Variants in SLCO6A1 observed in about 807,000 individuals in gnomAD.
SLCO6A1 encodes the protein solute carrier organic anion transporter family member 6A1.
Under a neutral mutation model 72.7 loss-of-function variants are expected in SLCO6A1, and 65 were observed. The ratio of observed to expected loss-of-function variants is 0.89; its 90% confidence interval spans 0.73 to 1.10. The LOEUF is 1.10. Ranked by LOEUF, SLCO6A1 falls within the 50% of genes least tolerant of loss-of-function variation. The pLI is 0.00. For synonymous variants in SLCO6A1, 314 were observed against 298.2 expected, an observed-to-expected ratio of 1.05 and a Z score of -0.55; for missense variants, 874 against 872.6, an observed-to-expected ratio of 1.00 and a Z score of -0.02.
intron 4 of SLCO6A1, among the ~76,000 whole-genome samples, chr5:102,463,757 A>G (rs1751163136): frequency 6.6e-6 from 1 of 152,122 alleles, no homozygotes; most frequent in African/African-American, 2.4e-5. Context: ...GTGATGGCGC[A>G]TGCCTGTAAT....
At chr5:102,381,740 T>TG (rs1746121630) in intron 12 of SLCO6A1, among the ~76,000 whole-genome samples, 1 of 150,864 alleles carries the variant, frequency 6.6e-6, no homozygotes, top group Non-Finnish European at 1.5e-5. Context: ...TCTTTTTTTT[T>TG]TTTTTTTGGT....
Position 102,475,846 on chromosome 5 carries a change from G to A in SLCO6A1, c.803-53C>T, listed in dbSNP as rs946158079. On this transcript the variant is annotated intron_variant, in intron 3 of 13. Transcript: ENST00000506729. ...TCAAACAATTTCATAAGCCAGCTTC[G>A]TTATGATAAAAATTGACTGAAATTG... 107 of 1,375,670 alleles carry A rather than the reference G, an allele frequency of 7.8e-5. 1 individual carries two copies. Among genetic ancestry groups the A allele is most frequent in the Middle Eastern group, 7.2e-4 (4 of 5,538 alleles). 85.2% of individuals were successfully genotyped at this position (1,375,670 alleles called of 1,614,324 possible). A position where few individuals can be genotyped will look rare whatever the true frequency, so the allele number is the denominator to read the frequency against.
At chr5:102,468,874 A>G (rs954117903) in intron 4 of SLCO6A1, among the ~76,000 whole-genome samples, 3 of 152,144 alleles carry the variant, frequency 2.0e-5, no homozygotes, top group Non-Finnish European at 4.4e-5. Context: ...AGCTTTCTAC[A>G]TATTGCTAAC....
At chr5:102,423,296 G>T (rs900719101) in intron 7 of SLCO6A1, among the ~76,000 whole-genome samples, 4 of 152,034 alleles carry the variant, frequency 2.6e-5, no homozygotes, top group African/African-American at 9.7e-5. Flanking sequence ...ATGTAAATAG[G>T]CTAAATACCC....
chr5:102,470,545 T>C (rs529303430), intron 4 of SLCO6A1, among the ~76,000 whole-genome samples: 61 of 152,278 alleles, frequency 4.0e-4, no homozygotes, highest in African/African-American at 1.3e-3. Context: ...TTGATTCTTC[T>C]CTCTTTTCTT....
At chr5:102,416,750 A>G (rs1233890548) in intron 8 of SLCO6A1, among the ~76,000 whole-genome samples, 1 of 152,168 alleles carries the variant, frequency 6.6e-6, no homozygotes, top group East Asian at 1.9e-4. Flanking sequence ...ATATATTAAA[A>G]ATGTACTGAG....
chr5:102,385,050 T>C (rs1746336916), intron 12 of SLCO6A1, among the ~76,000 whole-genome samples: 1 of 152,086 alleles, frequency 6.6e-6, no homozygotes, highest in Non-Finnish European at 1.5e-5. Flanking sequence ...TCTGGAAAAG[T>C]CTTTTTTCTT....
intron 11 of SLCO6A1, among the ~76,000 whole-genome samples, 165 bp downstream of exon 11, chr5:102,390,816 G>A (rs1746713126): frequency 6.6e-6 from 1 of 152,012 alleles, no homozygotes; most frequent in Non-Finnish European, 1.5e-5. Context: ...CTTTGCATTA[G>A]GTATTCCCTC....
chr5:102,444,943 ATAC>A (rs1266269282), intron 6 of SLCO6A1, among the ~76,000 whole-genome samples: 3 of 152,186 alleles, frequency 2.0e-5, no homozygotes, highest in South Asian at 2.1e-4. Flanking sequence ...TGGTGTATAT[ATAC>A]TACATTTTCT....
At chr5:102,447,791 T>A (rs1750197774) in intron 6 of SLCO6A1, among the ~76,000 whole-genome samples, 1 of 152,162 alleles carries the variant, frequency 6.6e-6, no homozygotes, top group African/African-American at 2.4e-5. Flanking sequence ...TACCTAGTGG[T>A]CTATCAATCT....
At chr5:102,492,331 C>A (rs1420328130) in intron 1 of SLCO6A1, among the ~76,000 whole-genome samples, 1 of 152,134 alleles carries the variant, frequency 6.6e-6, no homozygotes, top group Non-Finnish European at 1.5e-5. Flanking sequence ...AGAAACACTG[C>A]AGCAGAAATG....
chr5:102,419,792 G>C, intron 8 of SLCO6A1, 34 bp downstream of exon 8: 1 of 1,503,660 alleles, frequency 6.7e-7, no homozygotes, highest in Non-Finnish European at 8.9e-7. Flanking sequence ...GTAGGATTTT[G>C]ATGTAAAAGT....
chr5:102,476,069 G>A (rs183780148), intron 3 of SLCO6A1, among the ~76,000 whole-genome samples: 13 of 152,208 alleles, frequency 8.5e-5, no homozygotes, highest in Admixed American at 2.6e-4. Context: ...ATGGTGAGAG[G>A]TGGGTGAGGG....
chr5:102,445,232 G>C (rs1750045630), intron 6 of SLCO6A1, among the ~76,000 whole-genome samples: 1 of 152,154 alleles, frequency 6.6e-6, no homozygotes, highest in Admixed American at 6.5e-5. Flanking sequence ...ACCAGCATCT[G>C]TTATTTTTCC....
At chr5:102,378,775 G>A (rs546454792) in intron 12 of SLCO6A1, among the ~76,000 whole-genome samples, 32 of 151,734 alleles carry the variant, frequency 2.1e-4, no homozygotes, top group Non-Finnish European at 4.3e-4. Context: ...TGTTGTTTTT[G>A]TTTGTTTGTT....
chr5:102,431,910 T>C (rs1417139494), intron 7 of SLCO6A1, among the ~76,000 whole-genome samples: 2 of 152,172 alleles, frequency 1.3e-5, no homozygotes, highest in African/African-American at 4.8e-5. Flanking sequence ...ATAAATCTGG[T>C]TGTTTCTGTG....
intron 12 of SLCO6A1, among the ~76,000 whole-genome samples, chr5:102,377,721 G>A (rs977717679): frequency 3.3e-5 from 5 of 151,598 alleles, no homozygotes; most frequent in Admixed American, 6.6e-5. Context: ...ACCCAGGCTG[G>A]AGTGCAGGGG....
chr5:102,397,847 A>T (rs143995168), intron 10 of SLCO6A1, among the ~76,000 whole-genome samples: 1 of 152,080 alleles, frequency 6.6e-6, no homozygotes, highest in Non-Finnish European at 1.5e-5. Context: ...TCTATGTCAT[A>T]ATTGTACTGA....
At chr5:102,431,306 T>C (rs1196091508) in intron 7 of SLCO6A1, among the ~76,000 whole-genome samples, 1 of 152,212 alleles carries the variant, frequency 6.6e-6, no homozygotes, top group Non-Finnish European at 1.5e-5. Flanking sequence ...AGCTTTAGAA[T>C]TGGTTTGCTG....
Sources: gnomAD v4.1 joint callset for allele counts (sites outside exome capture counted in the v4.1 genomes callset) on GRCh38, gnomAD v4.1.1 for gene constraint, MANE v1.5 for transcripts, NCBI Gene and HGNC (gene_info 2026-07-23, HGNC 2026-07-21) for gene names.